Variants in AGBL4 observed in about 807,000 individuals in gnomAD.
AGBL4 encodes the protein AGBL carboxypeptidase 4, also known as cytosolic carboxypeptidase 6.
Under a neutral mutation model 66.4 loss-of-function variants are expected in AGBL4, and 58 were observed. The ratio of observed to expected loss-of-function variants is 0.87; its 90% CI spans 0.71 to 1.09. The LOEUF (loss-of-function observed/expected upper bound fraction) is 1.09, where lower values mean the gene tolerates loss of function less well. AGBL4 is among the 50% of genes least tolerant of loss of function. The pLI is 0.00. For missense variants in AGBL4, 579 were observed against 631.0 expected (o/e 0.92, Z 0.88); for synonymous variants, 234 against 222.9 (o/e 1.05, Z -0.44).
intron 4 of AGBL4, among the ~76,000 whole-genome samples, chr1:49,058,925 A>C (rs2147905443): frequency 6.6e-6 from 1 of 152,360 alleles, no homozygotes. Context: ...ATCTGGCAGA[A>C]GAAATTTCTG....
chr1:48,560,407 G>T (rs929473543), intron 11 of AGBL4, among the ~76,000 whole-genome samples: 4 of 152,160 alleles, frequency 2.6e-5, no homozygotes, highest in African/African-American at 9.7e-5. Context: ...CTAGGAGAAG[G>T]CATCTGAGCT....
At chr1:49,969,279 C>A (rs1657845984) in intron 1 of AGBL4, among the ~76,000 whole-genome samples, 1 of 152,052 alleles carries the variant, frequency 6.6e-6, no homozygotes, top group African/African-American at 2.4e-5. Flanking sequence ...ATTCATGAAA[C>A]CATCATCAAA....
In AGBL4 at chr1:49,061,378, G is replaced by A. The variant is rs77503146; in HGVS notation, c.378-15578C>T. Among the ~76,000 whole-genome samples, 262 of 152,292 alleles carry A rather than the reference G, an allele frequency of 1.7e-3. 1 individual carries two copies. Among genetic ancestry groups the A allele is most frequent in the African/African-American group, 5.9e-3 (246 of 41,562 alleles). On this transcript the variant is annotated intron_variant, in intron 4 of 13. Transcript: ENST00000371839. The stretch of plus-strand genomic sequence containing the variant: ...CCCCTTGAATATCAGTCTCCAGACA[G>A]CAGGTGAGGAAGCCAAGCCCAGTCC...
intron 11 of AGBL4, among the ~76,000 whole-genome samples, chr1:48,546,404 C>T (rs980526702): frequency 1.3e-5 from 2 of 148,726 alleles, no homozygotes; most frequent in African/African-American, 5.0e-5. Context: ...TTGTGAAAGG[C>T]TTCATGGAGG....
chr1:49,675,422 G>A (rs1458287824), intron 3 of AGBL4, among the ~76,000 whole-genome samples: 1 of 152,024 alleles, frequency 6.6e-6, no homozygotes, highest in Non-Finnish European at 1.5e-5. Context: ...CTCCAAAAGT[G>A]AGGAGGGTGG....
At chr1:49,727,255 C>T (rs1030918602) in intron 2 of AGBL4, among the ~76,000 whole-genome samples, 9 of 151,838 alleles carry the variant, frequency 5.9e-5, no homozygotes, top group Non-Finnish European at 1.0e-4. Flanking sequence ...CAAGTTTGAC[C>T]TTAAACTTAG....
intron 3 of AGBL4, among the ~76,000 whole-genome samples, chr1:49,695,657 C>G (rs956778487): frequency 3.3e-5 from 5 of 152,054 alleles, no homozygotes; most frequent in African/African-American, 4.8e-5. Flanking sequence ...AAAGTTTGTC[C>G]TTAAGAGGCT....
chr1:48,805,126 G>A (rs1645894710), intron 6 of AGBL4, among the ~76,000 whole-genome samples: 1 of 152,180 alleles, frequency 6.6e-6, no homozygotes, highest in Non-Finnish European at 1.5e-5. Context: ...ACAGTCAGAG[G>A]TGGTTATTGG....
chr1:48,834,545 C>T (rs1247910637), intron 6 of AGBL4, among the ~76,000 whole-genome samples: 2 of 151,984 alleles, frequency 1.3e-5, no homozygotes, highest in Non-Finnish European at 2.9e-5. Context: ...GGATTAATGT[C>T]TTTATAAGAA....
intron 3 of AGBL4, among the ~76,000 whole-genome samples, chr1:49,295,898 G>A (rs1374599286): frequency 6.6e-6 from 1 of 152,102 alleles, no homozygotes; most frequent in African/African-American, 2.4e-5. Flanking sequence ...AGCCTCCATA[G>A]CAACTTGGAG....
chr1:49,280,989 T>C (rs1644261172), intron 3 of AGBL4, among the ~76,000 whole-genome samples: 1 of 152,200 alleles, frequency 6.6e-6, no homozygotes, highest in Non-Finnish European at 1.5e-5. Flanking sequence ...TGGCTTTAAG[T>C]TATTATTACC....
At chr1:49,781,172 T>C (rs1479609529) in intron 2 of AGBL4, among the ~76,000 whole-genome samples, 1 of 152,104 alleles carries the variant, frequency 6.6e-6, no homozygotes, top group Non-Finnish European at 1.5e-5. Context: ...GGAGGACTGA[T>C]TGAGGCCAGA....
chr1:49,055,301 T>A (rs1034785041), intron 4 of AGBL4, among the ~76,000 whole-genome samples: 1 of 151,820 alleles, frequency 6.6e-6, no homozygotes, highest in Non-Finnish European at 1.5e-5. Flanking sequence ...CAAAGAAAAA[T>A]TTCCTGAAGG....
intron 4 of AGBL4, among the ~76,000 whole-genome samples, chr1:49,224,057 A>G (rs1395609832): frequency 2.0e-5 from 3 of 152,214 alleles, no homozygotes; most frequent in Non-Finnish European, 4.4e-5. Context: ...CTGCCATACT[A>G]CTAAAGGACA....
At chr1:49,280,133 C>T (rs1439235438) in intron 3 of AGBL4, among the ~76,000 whole-genome samples, 2 of 152,104 alleles carry the variant, frequency 1.3e-5, no homozygotes, top group African/African-American at 4.8e-5. Context: ...TGTGGCCCCA[C>T]CTAGAAGGGA....
chr1:49,539,523 T>C (rs1052523486), intron 3 of AGBL4, among the ~76,000 whole-genome samples: 1 of 152,200 alleles, frequency 6.6e-6, no homozygotes, highest in African/African-American at 2.4e-5. Context: ...TCCTCCAGTT[T>C]AGCAATGTGC....
At chr1:49,828,018 T>A (rs542213340) in intron 2 of AGBL4, among the ~76,000 whole-genome samples, 1 of 152,318 alleles carries the variant, frequency 6.6e-6, no homozygotes, top group Admixed American at 6.5e-5. Flanking sequence ...AGACAAAATG[T>A]TATAATATGT....
At chr1:49,152,570 G>A (rs1353647046) in intron 4 of AGBL4, among the ~76,000 whole-genome samples, 5 of 152,212 alleles carry the variant, frequency 3.3e-5, no homozygotes, top group African/African-American at 9.6e-5. Flanking sequence ...CCCACCTAGG[G>A]ATTCTTCCCA....
chr1:48,639,615 G>C (rs561290241), intron 8 of AGBL4, among the ~76,000 whole-genome samples: 1 of 152,200 alleles, frequency 6.6e-6, no homozygotes, highest in African/African-American at 2.4e-5. Flanking sequence ...GAGGAAAAGT[G>C]TTGATACAGT....
Sources: gnomAD v4.1 joint callset for allele counts (sites outside exome capture counted in the v4.1 genomes callset) on GRCh38, gnomAD v4.1.1 for gene constraint, MANE v1.5 for transcripts, NCBI Gene and HGNC (gene_info 2026-07-23, HGNC 2026-07-21) for gene names.